The following CHFR variants were observed in gnomAD, a reference collection of about 807,000 sequenced individuals.
CHFR encodes the protein checkpoint with forkhead and ring finger domains.
Under a neutral mutation model 87.6 loss-of-function variants are expected in CHFR, and 57 were observed. The ratio of observed to expected loss-of-function variants is 0.65; its 90% CI spans 0.53 to 0.81. CHFR has a LOEUF of 0.81. CHFR is among the 30% of genes least tolerant of loss of function. CHFR has a pLI of 0.00. For missense variants in CHFR, 797 were observed against 865.8 expected, an observed-to-expected ratio of 0.92 and a Z score of 1.00; for synonymous variants, 381 against 359.2, an observed-to-expected ratio of 1.06 and a Z score of -0.69.
intron 2 of CHFR, among the ~76,000 whole-genome samples, chr12:132,885,419 TATAAATAA>T (rs141735852): frequency 2.6e-3 from 388 of 146,614 alleles, no homozygotes; most frequent in African/African-American, 6.3e-3. Context: ...TCAAAAAATA[TATAAATAA>T]ATAAATAAAT....
rs1051259189 is a variant in CHFR at position 132,836,754 on chromosome 12, C to A, written c.*4800G>T. On this transcript the variant is annotated 3_prime_UTR_variant, in exon 18 of 18. Coordinates refer to ENST00000450056, the MANE Select transcript of CHFR (RefSeq NM_001161346.2). ...GAAAAGTGAGCGACAGAGGAAGGGG[C>A]GCCTGTTTGTGCCGCGGGAAAGATT... 2 of 455,944 alleles carry A rather than the reference C, an allele frequency of 4.4e-6. No individual in the cohort carries two copies. The highest frequency in any genetic ancestry group is 8.8e-6 in the Non-Finnish European group (2 of 226,792). 28.2% of individuals were successfully genotyped at this position (455,944 alleles called of 1,614,324 possible).
chr12:132,881,140 C>T (rs1269189369), intron 2 of CHFR, among the ~76,000 whole-genome samples: 1 of 151,758 alleles, frequency 6.6e-6, no homozygotes, highest in East Asian at 1.9e-4. Context: ...TGGTAGCATG[C>T]ACCTGTAATC....
chr12:132,856,665 AG>A lies in CHFR; in HGVS notation c.1067-36del, dbSNP rs749543398. On this transcript the variant is annotated intron_variant, in intron 9 of 17. Transcript: ENST00000450056. ...AAAGGACACAGCGCCATTCACCGGCAGTGAGACATGGCAGGCAGACACAGCT... is the reference window on the plus strand; with the variant it reads ...AAAGGACACAGCGCCATTCACCGGCATGAGACATGGCAGGCAGACACAGCT... The A allele has an allele frequency of 2.5e-6, 4 of 1,607,458 alleles. No homozygotes were observed. The South Asian group carries it at 4.4e-5, about 18-fold the overall frequency.
At chr12:132,848,203 G>A (rs1207792078) in intron 13 of CHFR, 48 bp from the exon 14 acceptor site, 3 of 1,613,670 alleles carry the variant, frequency 1.9e-6, no homozygotes, top group African/African-American at 2.7e-5. Context: ...GATGTCGCAG[G>A]AAAGCACTGT....
chr12:132,848,281 G>T, intron 13 of CHFR, 126 bp from the exon 14 acceptor site: 1 of 1,519,904 alleles, frequency 6.6e-7, no homozygotes, highest in Non-Finnish European at 8.9e-7. Flanking sequence ...GAAGTTCAAT[G>T]ATAAAACTCA....
At chr12:132,878,094 G>A (rs1024923668) in intron 2 of CHFR, among the ~76,000 whole-genome samples, 9 of 149,822 alleles carry the variant, frequency 6.0e-5, no homozygotes, top group South Asian at 4.5e-4. Flanking sequence ...GAGCCACCGC[G>A]CCCGGCCCAT....
chr12:132,842,992 T>G lies in CHFR; in HGVS notation c.1916+19A>C, dbSNP rs1458688793. The stretch of plus-strand genomic sequence containing the variant: ...TTCATCACTCTGTAGCTGACGCCTG[T>G]GCCCCCAGCTGCACTCACATGGCGT... On this transcript the variant is annotated intron_variant, in intron 17 of 17. Transcript: ENST00000450056. The G allele has an allele frequency of 5.6e-6, 9 of 1,601,624 alleles. No individual in the cohort carries two copies. The highest frequency in any genetic ancestry group is 7.7e-6 in the Non-Finnish European group (9 of 1,172,756).
At chr12:132,844,791 C>G (rs12425426) in intron 15 of CHFR, among the ~76,000 whole-genome samples, 7,975 of 125,858 alleles carry the variant, frequency 0.063, no homozygotes, top group Non-Finnish European at 0.1. Flanking sequence ...CCACCGTGCC[C>G]GGCTAATGTT....
At chr12:132,872,246 C>T (rs777028366) in intron 4 of CHFR, 39 bp downstream of exon 4, 17 of 1,359,496 alleles carry the variant, frequency 1.3e-5, no homozygotes, top group African/African-American at 5.7e-5. Context: ...CGTGCACCCC[C>T]GTGCGGGTCT....
intron 8 of CHFR, 72 bp downstream of exon 8, chr12:132,858,996 C>T: frequency 6.9e-7 from 1 of 1,454,626 alleles, no homozygotes; most frequent in Non-Finnish European, 9.3e-7. Context: ...GTCTCATGCC[C>T]AGCCCTGCCC....
chr12:132,864,015 C>T (rs1365262799), intron 6 of CHFR, among the ~76,000 whole-genome samples: 1 of 152,036 alleles, frequency 6.6e-6, no homozygotes, highest in African/African-American at 2.4e-5. Flanking sequence ...CCACCCACCT[C>T]GGCCTCCCCA....
intron 3 of CHFR, 144 bp downstream of exon 3, chr12:132,877,411 G>A: frequency 1.9e-6 from 1 of 535,020 alleles, no homozygotes; most frequent in South Asian, 2.7e-5. Context: ...ACACATGACT[G>A]TGCTGTTATA....
chr12:132,866,345 A>G (rs1951335846), intron 6 of CHFR: 1 of 152,200 alleles, frequency 6.6e-6, no homozygotes, highest in African/African-American at 2.4e-5. Context: ...AAATGTTACA[A>G]CACACTGGAA....
chr12:132,873,467 C>T (rs777311364), intron 3 of CHFR, among the ~76,000 whole-genome samples: 10 of 152,206 alleles, frequency 6.6e-5, no homozygotes, highest in Non-Finnish European at 1.2e-4. Context: ...CACTTATACA[C>T]GGGTTTTTTT....
At chr12:132,852,498 C>T (rs1950969977) in intron 11 of CHFR, among the ~76,000 whole-genome samples, 1 of 150,550 alleles carries the variant, frequency 6.6e-6, no homozygotes, top group Non-Finnish European at 1.5e-5. Context: ...TGGACACTCG[C>T]CACCCACACA....
intron 2 of CHFR, among the ~76,000 whole-genome samples, chr12:132,878,688 G>A (rs1593528618): frequency 1.3e-5 from 2 of 150,916 alleles, no homozygotes; most frequent in Admixed American, 6.6e-5. Context: ...GCGTGGTGGC[G>A]GGCGCCTTGT....
At chr12:132,854,574 A>T (rs1254771843) in intron 10 of CHFR, 2 of 152,196 alleles carry the variant, frequency 1.3e-5, no homozygotes, top group Admixed American at 1.3e-4. Context: ...TGGGAGGCTG[A>T]GGCGGGCGGA....
chr12:132,881,025 G>T (rs138943152), intron 2 of CHFR, among the ~76,000 whole-genome samples: 175 of 151,894 alleles, frequency 1.2e-3, no homozygotes, highest in East Asian at 0.011. Flanking sequence ...CCATCACTTT[G>T]GGTGGCCAAG....
intron 16 of CHFR, among the ~76,000 whole-genome samples, chr12:132,843,588 G>A (rs574351058): frequency 1.3e-5 from 2 of 152,296 alleles, no homozygotes; most frequent in East Asian, 1.9e-4. Flanking sequence ...CCACAGCCCT[G>A]TATGGCCTGA....
Sources: allele counts gnomAD v4.1 joint callset (sites outside exome capture counted in the v4.1 genomes callset), GRCh38; gene constraint gnomAD v4.1.1; transcripts MANE v1.5; gene names NCBI Gene and HGNC (gene_info 2026-07-23, HGNC 2026-07-21).